Variants in GPR158 observed in about 807,000 individuals in gnomAD.
GPR158 encodes G protein-coupled receptor 158.
A neutral mutation model predicts 78.2 loss-of-function variants in GPR158; 30 were observed. That is an observed-to-expected ratio of 0.38 (90% CI 0.29 to 0.52). GPR158 has a LOEUF of 0.52. Among genes scored for constraint, GPR158 ranks in the 20% least tolerant of loss-of-function variants. The probability of loss-of-function intolerance (pLI) is 0.83; values close to 1 mark genes in which losing one functional copy is unlikely to be tolerated. For missense variants in GPR158, 1,463 were observed against 1,523.5 expected (o/e 0.96, Z 0.66); for synonymous variants, 581 against 591.1 (o/e 0.98, Z 0.25).
intron 2 of GPR158, among the ~76,000 whole-genome samples, chr10:25,371,329 G>A (rs569657801): frequency 2.0e-5 from 3 of 151,846 alleles, no homozygotes; most frequent in African/African-American, 7.2e-5. Flanking sequence ...TCCATGTTTA[G>A]CGCTTCCTTC....
chr10:25,516,642 G>A (rs1385450733), intron 5 of GPR158, among the ~76,000 whole-genome samples: 1 of 119,390 alleles, frequency 8.4e-6, no homozygotes, highest in South Asian at 3.3e-4. Flanking sequence ...TTTCCCCATT[G>A]CTTGTTTTTC....
chr10:25,405,254 AGAAG>A (rs34727087), intron 3 of GPR158, among the ~76,000 whole-genome samples: 1 of 151,928 alleles, frequency 6.6e-6, no homozygotes, highest in East Asian at 1.9e-4. Flanking sequence ...TTCTAGTAAG[AGAAG>A]GGAGACTAAT....
intron 2 of GPR158, among the ~76,000 whole-genome samples, chr10:25,365,002 ACTGT>A (rs1208178365): frequency 6.6e-6 from 1 of 151,836 alleles, no homozygotes; most frequent in African/African-American, 2.4e-5. Context: ...CAACATTTCA[ACTGT>A]CTATGTAAAA....
intron 5 of GPR158, among the ~76,000 whole-genome samples, chr10:25,472,581 C>T (rs775365391): frequency 6.6e-6 from 1 of 152,334 alleles, no homozygotes; most frequent in Admixed American, 6.5e-5. Context: ...GATATTGACT[C>T]TTCCTACCCA....
intron 5 of GPR158, among the ~76,000 whole-genome samples, chr10:25,529,703 G>T (rs561615231): frequency 1.3e-5 from 2 of 152,144 alleles, no homozygotes; most frequent in South Asian, 2.1e-4. Flanking sequence ...ATTGAGATGG[G>T]GTTAAAGGAA....
At chr10:25,338,453 ATATATATTACG>A (rs1855246661) in intron 2 of GPR158, among the ~76,000 whole-genome samples, 1 of 135,926 alleles carries the variant, frequency 7.4e-6, no homozygotes, top group Non-Finnish European at 1.5e-5. Context: ...TATACGTAAT[ATATATATTACG>A]TATATTATAC....
In GPR158 at chr10:25,412,427, T is replaced by G; in HGVS notation, c.1289T>G (p.Leu430Arg). The G allele has an allele frequency of 6.2e-7, 1 of 1,614,130 alleles. No individual in the cohort carries two copies. The highest frequency in any genetic ancestry group is 8.5e-7 in the Non-Finnish European group (1 of 1,179,954). Residue 430 changes from leucine (L) to arginine (R), a missense_variant, in exon 4 of 11, where the codon CTC becomes CGC. Physicochemically the swap from Leu to Arg is moderately radical, Grantham distance 102. Coordinates refer to ENST00000376351, the MANE Select transcript of GPR158 (RefSeq NM_020752.3). ...TCCTTCCAAGCCCTGTGTATGCTGCTCGACTTCGTTAGCATGCTGGTGGTC... is the reference window on the plus strand; with the variant it reads ...TCCTTCCAAGCCCTGTGTATGCTGCGCGACTTCGTTAGCATGCTGGTGGTC... ...IISFQALCML[L>R]DFVSMLVVYH...
intron 2 of GPR158, among the ~76,000 whole-genome samples, chr10:25,242,471 T>A (rs570507645): frequency 6.6e-6 from 1 of 152,358 alleles, no homozygotes; most frequent in Admixed American, 6.5e-5. Flanking sequence ...TTTGTCCATA[T>A]GATTTTTGAT....
intron 6 of GPR158, among the ~76,000 whole-genome samples, chr10:25,562,236 C>T (rs1331683611): frequency 2.0e-5 from 3 of 151,990 alleles, no homozygotes; most frequent in East Asian, 3.8e-4. Flanking sequence ...TGTTTATCTT[C>T]TGGAAGAACC....
At chr10:25,361,506 C>T (rs571544289) in intron 2 of GPR158, among the ~76,000 whole-genome samples, 5 of 151,888 alleles carry the variant, frequency 3.3e-5, no homozygotes, top group Non-Finnish European at 5.9e-5. Context: ...TTTGAGGAAC[C>T]TTCTTACTGT....
Position 25,598,503 on chromosome 10 carries a change from A to C in GPR158, c.2877A>C (p.Gln959His). The change falls in exon 11 of 11, where the codon CAA (glutamine) becomes CAC (histidine). Residue 959 changes from glutamine (Q) to histidine (H), a missense_variant. Physicochemically the swap from Gln to His is conservative, Grantham distance 24. Coordinates refer to ENST00000376351, the MANE Select transcript of GPR158 (RefSeq NM_020752.3). ...CAGAGACTAAAGATCCTGCCCCCCAAAACTCAAATCCTGCGGAGGAGCCAA... is the reference window on the plus strand; with the variant it reads ...CAGAGACTAAAGATCCTGCCCCCCACAACTCAAATCCTGCGGAGGAGCCAA... ...DNTETKDPAPQNSNPAEEPRK... is the reference protein window; with the variant it reads ...DNTETKDPAPHNSNPAEEPRK... 6.2e-7 allele frequency: 1 copy of C among 1,613,916 alleles called. No homozygotes were observed. Among genetic ancestry groups the C allele is most frequent in the Non-Finnish European group, 8.5e-7 (1 of 1,180,022 alleles).
At chr10:25,190,898 A>G (rs983786594) in intron 1 of GPR158, among the ~76,000 whole-genome samples, 6 of 152,208 alleles carry the variant, frequency 3.9e-5, no homozygotes, top group African/African-American at 1.4e-4. Context: ...GTTGTACACT[A>G]TGTTCATTAT....
rs146571479 is a variant in GPR158, at chr10:25,293,335, C to T, written c.1008+72178C>T. 5.1e-3 allele frequency among the ~76,000 whole-genome samples: 779 copies of T among 152,274 alleles called. 6 individuals carry two copies. Among genetic ancestry groups the T allele is most frequent in the African/African-American group, 0.018 (731 of 41,552 alleles). ...CCATGAAACTGAACCTGGTTTCTGA[C>T]TCTCCCACTTACATAGTAGGTATGG... On this transcript the variant is annotated intron_variant, in intron 2 of 10. Coordinates refer to ENST00000376351, the MANE Select transcript of GPR158 (RefSeq NM_020752.3).
At chr10:25,450,965 G>A (rs569980288) in intron 4 of GPR158, among the ~76,000 whole-genome samples, 24 of 128,824 alleles carry the variant, frequency 1.9e-4, no homozygotes, top group African/African-American at 7.7e-4. Context: ...CTTTTTGCCT[G>A]TCTATATATG....
intron 5 of GPR158, among the ~76,000 whole-genome samples, chr10:25,515,285 C>A (rs1019217672): frequency 6.6e-6 from 1 of 151,956 alleles, no homozygotes; most frequent in Non-Finnish European, 1.5e-5. Flanking sequence ...GATTCTATAG[C>A]TGAGACTTTC....
chr10:25,512,585 G>T (rs1255549236), intron 5 of GPR158, among the ~76,000 whole-genome samples: 1 of 152,138 alleles, frequency 6.6e-6, no homozygotes, highest in Admixed American at 6.5e-5. Flanking sequence ...AGTGGTAAAA[G>T]TGGTCAGCCT....
intron 2 of GPR158, among the ~76,000 whole-genome samples, chr10:25,357,245 G>C (rs2130528005): frequency 6.6e-6 from 1 of 152,202 alleles, no homozygotes; most frequent in South Asian, 2.1e-4. Flanking sequence ...GATCATAAAA[G>C]TTTTGAAAAT....
intron 2 of GPR158, among the ~76,000 whole-genome samples, chr10:25,261,589 G>A (rs987968196): frequency 9.2e-5 from 14 of 152,040 alleles, no homozygotes; most frequent in Admixed American, 3.3e-4. Context: ...GCAAATCAGC[G>A]TGTGATACAC....
chr10:25,320,057 A>G (rs1854924412), intron 2 of GPR158, among the ~76,000 whole-genome samples: 1 of 152,162 alleles, frequency 6.6e-6, no homozygotes, highest in South Asian at 2.1e-4. Flanking sequence ...ACCCTAATCC[A>G]GCCCCGTCGA....
Sources: gnomAD v4.1 joint callset for allele counts (sites outside exome capture counted in the v4.1 genomes callset) on GRCh38, gnomAD v4.1.1 for gene constraint, MANE v1.5 for transcripts, NCBI Gene and HGNC (gene_info 2026-07-23, HGNC 2026-07-21) for gene names.